The following KCTD1 variants were observed in gnomAD, a reference collection of about 807,000 sequenced individuals.
KCTD1 encodes the protein BTB/POZ domain-containing protein KCTD1.
Under a neutral mutation model 66.0 loss-of-function variants are expected in KCTD1, and 24 were observed. That is an observed-to-expected ratio of 0.36 (90% CI 0.26 to 0.51). The LOEUF is 0.51. Ranked by LOEUF, KCTD1 falls within the 20% of genes least tolerant of loss-of-function variation. The pLI is 0.95. For synonymous variants in KCTD1, 511 were observed against 517.2 expected (o/e 0.99, Z 0.16); for missense variants, 943 against 1,205.2 (o/e 0.78, Z 3.22).
intron 1 of KCTD1, among the ~76,000 whole-genome samples, chr18:26,587,333 A>G (rs1986493393): frequency 6.6e-6 from 1 of 152,162 alleles, no homozygotes; most frequent in South Asian, 2.1e-4. Context: ...GAGACCTACT[A>G]CTCAGAAAAA....
intron 1 of KCTD1, among the ~76,000 whole-genome samples, chr18:26,516,097 A>G (rs1983641610): frequency 6.6e-6 from 1 of 152,090 alleles, no homozygotes; most frequent in Non-Finnish European, 1.5e-5. Context: ...AGAAGTGAGA[A>G]GAAAGGGAAG....
At chr18:26,549,620 G>T (rs1985465128), upstream of KCTD1, 2 of 837,802 alleles carry the variant, frequency 2.4e-6, no homozygotes, top group Non-Finnish European at 2.9e-6. Context: ...CCAAGCTGGA[G>T]CTGAAGTCTC....
intron 1 of KCTD1, among the ~76,000 whole-genome samples, chr18:26,578,474 A>G (rs1986281091): frequency 6.6e-6 from 1 of 152,236 alleles, no homozygotes; most frequent in Admixed American, 6.5e-5. Flanking sequence ...CTGAAGAATT[A>G]TAAAGAACTT....
At chr18:26,509,853 T>A (rs1268287656) in intron 1 of KCTD1, among the ~76,000 whole-genome samples, 2 of 152,212 alleles carry the variant, frequency 1.3e-5, no homozygotes, top group Non-Finnish European at 2.9e-5. Context: ...GCCCGCCCCG[T>A]GCGATCTCTG....
At chr18:26,570,892 A>T (rs1986092087) in intron 1 of KCTD1, among the ~76,000 whole-genome samples, 1 of 152,208 alleles carries the variant, frequency 6.6e-6, no homozygotes, top group Non-Finnish European at 1.5e-5. Flanking sequence ...TAGCTCTATT[A>T]TTCTGTGAGG....
intron 3 of KCTD1, among the ~76,000 whole-genome samples, chr18:26,471,709 TG>T (rs1387125048): frequency 6.6e-6 from 1 of 152,140 alleles, no homozygotes; most frequent in East Asian, 1.9e-4. Context: ...ATGTTATTAC[TG>T]GGGGGAACTG....
chr18:26,584,189 A>T (rs1986420798), intron 1 of KCTD1, among the ~76,000 whole-genome samples: 1 of 152,192 alleles, frequency 6.6e-6, no homozygotes, highest in Non-Finnish European at 1.5e-5. Context: ...CCCGGAACAG[A>T]TATTTCTTGG....
intron 1 of KCTD1, among the ~76,000 whole-genome samples, chr18:26,596,763 A>G (rs1312303002): frequency 6.6e-6 from 1 of 152,286 alleles, no homozygotes. Context: ...AGTTTACTAA[A>G]TGACAGGTAG....
At chr18:26,605,316 C>A (rs527771374) in intron 1 of KCTD1, among the ~76,000 whole-genome samples, 2 of 152,324 alleles carry the variant, frequency 1.3e-5, no homozygotes, top group Non-Finnish European at 2.9e-5. Context: ...CACATTCGAC[C>A]TGGCAATTTT....
chr18:26,552,901 G>T (rs1286708867), upstream of KCTD1, among the ~76,000 whole-genome samples: 7 of 151,898 alleles, frequency 4.6e-5, no homozygotes, highest in African/African-American at 1.7e-4. Context: ...ATTACTGAAA[G>T]ATTCATAAAG....
chr18:26,553,972 G>A (rs1311485493), intron 1 of KCTD1, among the ~76,000 whole-genome samples: 2 of 149,604 alleles, frequency 1.3e-5, no homozygotes, highest in Non-Finnish European at 3.0e-5. Context: ...GAGAAAGAGA[G>A]ACAGAGAGAA....
intron 1 of KCTD1, among the ~76,000 whole-genome samples, chr18:26,558,388 T>C (rs1159249323): frequency 6.6e-6 from 1 of 152,164 alleles, no homozygotes; most frequent in Non-Finnish European, 1.5e-5. Context: ...CTATGGAGAA[T>C]AGTTTGGAGG....
At chr18:26,553,870 C>G (rs1050552432) in intron 1 of KCTD1, among the ~76,000 whole-genome samples, 1 of 151,440 alleles carries the variant, frequency 6.6e-6, no homozygotes, top group Non-Finnish European at 1.5e-5. Flanking sequence ...CCCAAGGTCT[C>G]CCAGACCTGA....
intron 1 of KCTD1, chr18:26,599,882 C>T: frequency 6.4e-7 from 1 of 1,553,390 alleles, no homozygotes; most frequent in Non-Finnish European, 8.9e-7. Context: ...GTTCAGATCA[C>T]AGGCAAAAAG....
intron 1 of KCTD1, among the ~76,000 whole-genome samples, chr18:26,503,641 T>C (rs552239012): frequency 6.6e-6 from 1 of 152,274 alleles, no homozygotes; most frequent in South Asian, 2.1e-4. Flanking sequence ...TGAACAGATT[T>C]GCAGGGTTAA....
intron 3 of KCTD1, among the ~76,000 whole-genome samples, chr18:26,465,765 T>C (rs540099926): frequency 9.9e-4 from 151 of 152,234 alleles, no homozygotes; most frequent in African/African-American, 3.4e-3. Flanking sequence ...CTAGGCCTGA[T>C]GTCTAGGGCG....
intron 1 of KCTD1, among the ~76,000 whole-genome samples, chr18:26,598,392 T>G (rs1302843183): frequency 1.3e-5 from 2 of 152,130 alleles, no homozygotes; most frequent in African/African-American, 4.8e-5. Flanking sequence ...TTTTCACTGT[T>G]AGACTATTAT....
chr18:26,635,615 T>C (rs924353047), intron 1 of KCTD1, among the ~76,000 whole-genome samples: 2 of 152,216 alleles, frequency 1.3e-5, no homozygotes, highest in Non-Finnish European at 2.9e-5. Context: ...CTAACTTAAC[T>C]GTGACACAGA....
chr18:26,532,261 C>CTTTCTTTTTTTTTTTTTTTTTTTTTTTTT (rs1394278500), intron 1 of KCTD1, among the ~76,000 whole-genome samples: 5 of 29,560 alleles, frequency 1.7e-4, no homozygotes, highest in African/African-American at 3.2e-4. Context: ...TTCTTTCCTT[C>CTTTCTTTTTTTTTTTTTTTTTTTTTTTTT]TTTTTTTTTT....
Sources: allele counts gnomAD v4.1 joint callset (sites outside exome capture counted in the v4.1 genomes callset), GRCh38; gene constraint gnomAD v4.1.1; transcripts MANE v1.5; gene names NCBI Gene and HGNC (gene_info 2026-07-23, HGNC 2026-07-21).